Variants in CADM1 observed in about 807,000 individuals in gnomAD.
CADM1 encodes the protein cell adhesion molecule 1, also known as TSLC-1.
In CADM1, 15 loss-of-function variants were observed where a neutral mutation model predicts 53.1. The observed-to-expected ratio is 0.28, with a 90% CI of 0.19 to 0.44. CADM1 has a LOEUF of 0.44. CADM1 is among the 20% of genes least tolerant of loss of function. The pLI, the probability that CADM1 is intolerant of heterozygous loss-of-function variation, is 1.00. For missense variants in CADM1, 434 were observed against 611.3 expected (o/e 0.71, Z 3.06); for synonymous variants, 281 against 243.0 (o/e 1.16, Z -1.45).
chr11:115,447,938 T>A (rs1331897341), intron 1 of CADM1, among the ~76,000 whole-genome samples: 2 of 152,192 alleles, frequency 1.3e-5, no homozygotes, highest in Non-Finnish European at 2.9e-5. Flanking sequence ...AGGGTAATGG[T>A]TGCTCATTAG....
intron 1 of CADM1, among the ~76,000 whole-genome samples, chr11:115,249,747 A>G (rs191821716): frequency 3.3e-5 from 5 of 152,324 alleles, no homozygotes; most frequent in Admixed American, 3.3e-4. Context: ...TGTAAAAAAT[A>G]TAACATTGGC....
Position 115,172,268 on chromosome 11 carries a change from T to C in CADM1, c.*4206A>G, listed in dbSNP as rs563529770. The C allele has an allele frequency of 6.6e-6, 1 of 152,418 alleles. No individual in the cohort carries two copies. Among genetic ancestry groups the C allele is most frequent in the African/African-American group, 2.4e-5 (1 of 41,586 alleles). 9.4% of individuals were successfully genotyped at this position (152,418 alleles called of 1,614,324 possible). A position where few individuals can be genotyped will look rare whatever the true frequency, so the allele number is the denominator to read the frequency against. On this transcript the variant is annotated 3_prime_UTR_variant, in exon 12 of 12. Transcript: ENST00000331581. ...GATGCAATGAATGAGTACTCCCTAC[T>C]GCTCCTTGCCCTCTGGCAGAGGCTG...
intron 1 of CADM1, among the ~76,000 whole-genome samples, chr11:115,275,098 A>G (rs757902403): frequency 2.0e-5 from 3 of 152,190 alleles, no homozygotes; most frequent in Non-Finnish European, 4.4e-5. Flanking sequence ...TTTCAATTTC[A>G]CAAAAATCCT....
At chr11:115,320,852 G>C (rs951083541) in intron 1 of CADM1, among the ~76,000 whole-genome samples, 2 of 152,016 alleles carry the variant, frequency 1.3e-5, no homozygotes, top group African/African-American at 4.8e-5. Context: ...TTTCCAAAGA[G>C]AATTTATATT....
intron 1 of CADM1, among the ~76,000 whole-genome samples, chr11:115,263,906 G>C (rs1943050644): frequency 6.6e-6 from 1 of 152,132 alleles, no homozygotes; most frequent in South Asian, 2.1e-4. Context: ...GATAGCAAAA[G>C]AGCTGAGAAT....
intron 1 of CADM1, among the ~76,000 whole-genome samples, chr11:115,272,077 A>G (rs573898676): frequency 6.8e-6 from 1 of 148,032 alleles, no homozygotes. Flanking sequence ...TTCATTATAG[A>G]TTTTTTTTTT....
chr11:115,222,115 G>C (rs577563555), intron 5 of CADM1, among the ~76,000 whole-genome samples: 1 of 152,116 alleles, frequency 6.6e-6, no homozygotes, highest in African/African-American at 2.4e-5. Context: ...AGTGCTAATT[G>C]TTTCAAGTCC....
intron 1 of CADM1, among the ~76,000 whole-genome samples, chr11:115,453,547 G>A (rs1948621806): frequency 6.6e-6 from 1 of 152,136 alleles, no homozygotes; most frequent in South Asian, 2.1e-4. Context: ...CACCCAGGCT[G>A]GAGTGCAGTG....
chr11:115,420,164 G>A (rs1355285175), intron 1 of CADM1, among the ~76,000 whole-genome samples: 1 of 152,124 alleles, frequency 6.6e-6, no homozygotes, highest in Non-Finnish European at 1.5e-5. Flanking sequence ...AAGCTCCTCT[G>A]AAACATACCA....
chr11:115,446,860 G>T (rs72997952), intron 1 of CADM1, among the ~76,000 whole-genome samples: 1 of 152,008 alleles, frequency 6.6e-6, no homozygotes, highest in Non-Finnish European at 1.5e-5. Flanking sequence ...TAAAAAACCA[G>T]GATCCATCAT....
At chr11:115,470,809 A>G (rs557992673) in intron 1 of CADM1, among the ~76,000 whole-genome samples, 2 of 152,314 alleles carry the variant, frequency 1.3e-5, no homozygotes, top group South Asian at 4.1e-4. Context: ...ATCTCACTTA[A>G]TCCTTGCAAT....
chr11:115,400,586 T>C (rs1947115102), intron 1 of CADM1, among the ~76,000 whole-genome samples: 2 of 142,936 alleles, frequency 1.4e-5, no homozygotes, highest in South Asian at 2.2e-4. Flanking sequence ...ATAATATATA[T>C]ATATATCTCT....
intron 1 of CADM1, among the ~76,000 whole-genome samples, chr11:115,486,090 T>A (rs898993012): frequency 2.0e-5 from 3 of 152,186 alleles, no homozygotes; most frequent in Admixed American, 6.5e-5. Context: ...TAGTCAGCCA[T>A]CAATGGAGGC....
chr11:115,204,176 A>G (rs1228130101), intron 8 of CADM1, among the ~76,000 whole-genome samples: 2 of 152,244 alleles, frequency 1.3e-5, no homozygotes, highest in Non-Finnish European at 2.9e-5. Flanking sequence ...ACATAAATAC[A>G]TGCAAAATAA....
intron 1 of CADM1, among the ~76,000 whole-genome samples, chr11:115,330,097 T>C (rs767161763): frequency 6.6e-6 from 1 of 151,852 alleles, no homozygotes; most frequent in Non-Finnish European, 1.5e-5. Context: ...TTTAGAGCCA[T>C]GGGTTTCTGG....
intron 1 of CADM1, among the ~76,000 whole-genome samples, chr11:115,478,499 C>T (rs1949186410): frequency 6.6e-6 from 1 of 152,108 alleles, no homozygotes; most frequent in Non-Finnish European, 1.5e-5. Context: ...ACTGCAAAGC[C>T]TAATGTATTT....
At chr11:115,411,373 C>T (rs1947456209) in intron 1 of CADM1, among the ~76,000 whole-genome samples, 4 of 152,170 alleles carry the variant, frequency 2.6e-5, no homozygotes, top group Admixed American at 2.0e-4. Context: ...ACCCTACACA[C>T]ATCAAATCAG....
chr11:115,208,888 C>T (rs920728365), intron 8 of CADM1, among the ~76,000 whole-genome samples: 1 of 152,168 alleles, frequency 6.6e-6, no homozygotes, highest in Non-Finnish European at 1.5e-5. Context: ...AAACAAGAGA[C>T]AGTAAAACTC....
chr11:115,434,836 GTATTT>G (rs1451038940), intron 1 of CADM1, among the ~76,000 whole-genome samples: 7 of 148,702 alleles, frequency 4.7e-5, no homozygotes, highest in African/African-American at 1.7e-4. Flanking sequence ...AGTTCTCTAA[GTATTT>G]TATTTTATTA....
Sources: gnomAD v4.1 joint callset for allele counts (sites outside exome capture counted in the v4.1 genomes callset) on GRCh38, gnomAD v4.1.1 for gene constraint, MANE v1.5 for transcripts, NCBI Gene and HGNC (gene_info 2026-07-23, HGNC 2026-07-21) for gene names.